The following ABCD2 variants were observed in gnomAD, a reference collection of about 807,000 sequenced individuals.
ABCD2 encodes ATP binding cassette subfamily D member 2, also known as ATP-binding cassette sub-family D member 2.
A neutral mutation model predicts 70.9 loss-of-function variants in ABCD2; 36 were observed. The ratio of observed to expected loss-of-function variants is 0.51; its 90% confidence interval spans 0.39 to 0.67. The LOEUF is 0.67. Ranked by LOEUF, ABCD2 falls within the 30% of genes least tolerant of loss-of-function variation. ABCD2 has a pLI of 0.00. For synonymous variants in ABCD2, 304 were observed against 306.9 expected (o/e 0.99, Z 0.10); for missense variants, 729 against 890.2 (o/e 0.82, Z 2.30).
At chr12:39,583,154 G>T (rs372101772) in intron 7 of ABCD2, among the ~76,000 whole-genome samples, 3 of 152,140 alleles carry the variant, frequency 2.0e-5, no homozygotes, top group Non-Finnish European at 4.4e-5. Context: ...GCTGCCGGAC[G>T]GGGCCAGCTA....
intron 9 of ABCD2, among the ~76,000 whole-genome samples, chr12:39,565,150 T>C (rs1369692540): frequency 6.6e-6 from 1 of 152,248 alleles, no homozygotes. Context: ...AAGTAGTTTT[T>C]TCCAATTCTG....
At chr12:39,569,513 G>A (rs187356519) in intron 9 of ABCD2, among the ~76,000 whole-genome samples, 1 of 152,154 alleles carries the variant, frequency 6.6e-6, no homozygotes, top group South Asian at 2.1e-4. Flanking sequence ...GATTTTCCAG[G>A]TGCCGTCTGT....
Position 39,609,395 on chromosome 12 carries a change from G to A in ABCD2, c.1121-1681C>T, listed in dbSNP as rs190252319. Among the ~76,000 whole-genome samples, 616 of 152,296 alleles carry A rather than the reference G, an allele frequency of 4.0e-3. 10 individuals are homozygous for A. Among genetic ancestry groups the A allele is most frequent in the African/African-American group, 0.014 (586 of 41,556 alleles). ...ACAGCCCTATCTTTTAGGGTTCTAA[G>A]GGTTATTGGTGAAAACCGAATAAAG... is the stretch of plus-strand genomic sequence containing the variant. On this transcript the variant is annotated intron_variant, in intron 2 of 9. Transcript: ENST00000308666.
At chr12:39,610,209 A>G (rs918816232) in intron 2 of ABCD2, among the ~76,000 whole-genome samples, 1 of 152,206 alleles carries the variant, frequency 6.6e-6, no homozygotes, top group African/African-American at 2.4e-5. Flanking sequence ...GACGTCAAGC[A>G]CTGATTTCAT....
chr12:39,541,836 A>G, the ABCD2 span, among the ~76,000 whole-genome samples: 165 of 152,344 alleles, frequency 1.1e-3, no homozygotes, highest in African/African-American at 3.9e-3. Flanking sequence ...ACAACTACAC[A>G]CTACAACATT....
chr12:39,607,525 A>G (rs1941984973), intron 3 of ABCD2, 74 bp downstream of exon 3: 1 of 1,224,646 alleles, frequency 8.2e-7, no homozygotes, highest in East Asian at 2.4e-5. Context: ...TACTAAGTAT[A>G]CTTGGTAATT....
At chr12:39,549,188 G>A (rs1272337813), downstream of ABCD2, among the ~76,000 whole-genome samples, 1 of 151,954 alleles carries the variant, frequency 6.6e-6, no homozygotes, top group Non-Finnish European at 1.5e-5. Context: ...GTTGGAACTT[G>A]TAATAGCCCA....
chr12:39,573,902 G>C, intron 8 of ABCD2, 61 bp from the exon 9 acceptor site: 1 of 1,501,186 alleles, frequency 6.7e-7, no homozygotes, highest in Non-Finnish European at 9.0e-7. Flanking sequence ...GTTTTTCTTT[G>C]GACAATATGA....
intron 7 of ABCD2, among the ~76,000 whole-genome samples, chr12:39,584,850 G>T (rs1002191921): frequency 6.6e-6 from 1 of 152,040 alleles, no homozygotes; most frequent in African/African-American, 2.4e-5. Flanking sequence ...TTATTTCTGT[G>T]CTCTCCATTC....
At chr12:39,576,665 A>G (rs889880683) in intron 8 of ABCD2, among the ~76,000 whole-genome samples, 1 of 152,244 alleles carries the variant, frequency 6.6e-6, no homozygotes, top group Admixed American at 6.5e-5. Context: ...ACACAAAAAT[A>G]ATATTTAGTG....
At chr12:39,594,620 C>T (rs916197009) in intron 6 of ABCD2, among the ~76,000 whole-genome samples, 2 of 152,076 alleles carry the variant, frequency 1.3e-5, no homozygotes, top group African/African-American at 4.8e-5. Flanking sequence ...CATAAATATA[C>T]TAGTACTTGT....
intron 3 of ABCD2, among the ~76,000 whole-genome samples, chr12:39,605,685 G>C (rs1419796234): frequency 6.6e-6 from 1 of 151,986 alleles, no homozygotes; most frequent in Non-Finnish European, 1.5e-5. Context: ...TGCTATCAGG[G>C]TACTCTGAAA....
intron 1 of ABCD2, 26 bp from the exon 2 acceptor site, chr12:39,617,194 A>G (rs766532843): frequency 6.8e-7 from 1 of 1,479,496 alleles, no homozygotes; most frequent in Non-Finnish European, 9.0e-7. Context: ...AGAGTTGAGG[A>G]CTTTTTTTAA....
chr12:39,576,780 G>T (rs1442176585), intron 8 of ABCD2, among the ~76,000 whole-genome samples: 1 of 152,108 alleles, frequency 6.6e-6, no homozygotes, highest in Non-Finnish European at 1.5e-5. Flanking sequence ...GGGAGGATGA[G>T]TAAACTTCCC....
intron 9 of ABCD2, among the ~76,000 whole-genome samples, chr12:39,559,199 C>A (rs1349374422): frequency 5.3e-5 from 8 of 151,486 alleles, no homozygotes; most frequent in African/African-American, 1.9e-4. Context: ...CTGGTGAAAC[C>A]CTGTCTCTAC....
At chr12:39,574,080 T>G (rs1229917532) in intron 8 of ABCD2, among the ~76,000 whole-genome samples, 1 of 152,146 alleles carries the variant, frequency 6.6e-6, no homozygotes, top group Non-Finnish European at 1.5e-5. Flanking sequence ...TAAGCTTTAT[T>G]GTCTTGTAGA....
chr12:39,546,691 A>T (rs1470674557), downstream of ABCD2, among the ~76,000 whole-genome samples: 5 of 152,140 alleles, frequency 3.3e-5, no homozygotes, highest in African/African-American at 1.2e-4. Context: ...GCATATGATA[A>T]ATGTAATGGT....
Position 39,619,584 on chromosome 12 carries a change from C to A in ABCD2, c.32G>T (p.Arg11Leu). 1 of 1,610,470 alleles carries A rather than the reference C, an allele frequency of 6.2e-7. No individual in the cohort carries two copies. Among genetic ancestry groups the A allele is most frequent in the South Asian group, 1.1e-5 (1 of 91,046 alleles). The change falls in exon 1 of 10, where the codon CGA (arginine) becomes CTA (leucine). Residue 11 changes from arginine to leucine, a missense_variant. Transcript: ENST00000308666. MTHMLNAAADRVKWTRSSAAK... is the reference protein window; with the variant it reads MTHMLNAAADLVKWTRSSAAK... ...AGCACTCGATCTGGTCCATTTCACT[C>A]GATCAGCTGCTGCATTTAGCATATG... is the stretch of plus-strand genomic sequence containing the variant.
intron 9 of ABCD2, among the ~76,000 whole-genome samples, chr12:39,563,962 AT>A (rs1591969212): frequency 1.3e-5 from 2 of 152,084 alleles, no homozygotes; most frequent in Non-Finnish European, 2.9e-5. Context: ...TGTACTCATC[AT>A]TTTTTATGGC....
Sources: gnomAD v4.1 joint callset for allele counts (sites outside exome capture counted in the v4.1 genomes callset) on GRCh38, gnomAD v4.1.1 for gene constraint, MANE v1.5 for transcripts, NCBI Gene and HGNC (gene_info 2026-07-23, HGNC 2026-07-21) for gene names.